HDAC9: variants seen among roughly 807,000 people sequenced by gnomAD.
HDAC9 encodes histone deacetylase 9.
Under a neutral mutation model 139.4 loss-of-function variants are expected in HDAC9, and 41 were observed. That is an observed-to-expected ratio of 0.29 (90% CI 0.23 to 0.38). The LOEUF is 0.38. HDAC9 is among the 10% of genes least tolerant of loss of function. The pLI, the probability that HDAC9 is intolerant of heterozygous loss-of-function variation, is 1.00. For missense variants in HDAC9, 1,147 were observed against 1,297.0 expected, an observed-to-expected ratio of 0.88 and a Z score of 1.78; for synonymous variants, 517 against 476.2, an observed-to-expected ratio of 1.09 and a Z score of -1.12.
intron 12 of HDAC9, among the ~76,000 whole-genome samples, chr7:18,709,790 G>T (rs895572434): frequency 2.6e-5 from 4 of 151,950 alleles, no homozygotes; most frequent in Non-Finnish European, 4.4e-5. Flanking sequence ...TTCCACCTTG[G>T]CCTCCCAAAG....
At chr7:18,205,977 G>A (rs957169790) in intron 2 of HDAC9, among the ~76,000 whole-genome samples, 4 of 152,068 alleles carry the variant, frequency 2.6e-5, no homozygotes, top group Non-Finnish European at 5.9e-5. Flanking sequence ...AAGAAATACT[G>A]CACACAGATA....
intron 1 of HDAC9, among the ~76,000 whole-genome samples, chr7:18,386,673 A>G (rs1785961045): frequency 6.6e-6 from 1 of 152,210 alleles, no homozygotes. Context: ...TAGTTAGAGT[A>G]ATCAAAGCAA....
intron 6 of HDAC9, among the ~76,000 whole-genome samples, chr7:18,605,694 T>C (rs1835271420): frequency 6.6e-6 from 1 of 151,806 alleles, no homozygotes; most frequent in South Asian, 2.1e-4. Context: ...GTTTGTTTGT[T>C]TTTTGAGACA....
chr7:18,777,228 G>A (rs1790846765), intron 16 of HDAC9, among the ~76,000 whole-genome samples: 1 of 151,932 alleles, frequency 6.6e-6, no homozygotes, highest in Admixed American at 6.6e-5. Flanking sequence ...ATGTTATGTG[G>A]ACATACTTTT....
At chr7:18,842,177 T>C (rs1224964258) in intron 21 of HDAC9, among the ~76,000 whole-genome samples, 1 of 152,096 alleles carries the variant, frequency 6.6e-6, no homozygotes, top group African/African-American at 2.4e-5. Flanking sequence ...TTCTCAATTG[T>C]TAGTGACAAG....
At chr7:18,166,827 C>A (rs1407471220) in intron 2 of HDAC9, among the ~76,000 whole-genome samples, 1 of 152,168 alleles carries the variant, frequency 6.6e-6, no homozygotes, top group Non-Finnish European at 1.5e-5. Context: ...GACAAAGCTA[C>A]AAACAAATAT....
At chr7:18,299,485 C>G (rs1206195111) in intron 1 of HDAC9, among the ~76,000 whole-genome samples, 1 of 152,038 alleles carries the variant, frequency 6.6e-6, no homozygotes. Context: ...GGCGAGGGTA[C>G]TTTTCCAGCA....
intron 13 of HDAC9, among the ~76,000 whole-genome samples, chr7:18,741,194 G>A (rs959576042): frequency 6.6e-6 from 1 of 152,188 alleles, no homozygotes; most frequent in African/African-American, 2.4e-5. Flanking sequence ...AGATGAAAGA[G>A]CCTTTCACTG....
chr7:18,632,029 A>C (rs1157930280), intron 7 of HDAC9, among the ~76,000 whole-genome samples: 1 of 151,860 alleles, frequency 6.6e-6, no homozygotes, highest in African/African-American at 2.4e-5. Context: ...GTAAGACAGA[A>C]TGTTTAAGAA....
chr7:18,227,512 A>C (rs1793139416), intron 2 of HDAC9, among the ~76,000 whole-genome samples: 1 of 152,132 alleles, frequency 6.6e-6, no homozygotes, highest in Non-Finnish European at 1.5e-5. Context: ...AGTTGCTGCC[A>C]ATATACAACT....
intron 2 of HDAC9, among the ~76,000 whole-genome samples, chr7:18,521,960 A>C (rs542918077): frequency 2.0e-5 from 3 of 152,148 alleles, no homozygotes; most frequent in Non-Finnish European, 2.9e-5. Context: ...TGAAAGGAAA[A>C]ATCAGTTATT....
At chr7:18,699,079 G>A (rs1300708486) in intron 12 of HDAC9, among the ~76,000 whole-genome samples, 1 of 152,142 alleles carries the variant, frequency 6.6e-6, no homozygotes, top group Non-Finnish European at 1.5e-5. Context: ...ACACAGCAGT[G>A]ATTCTGGGGT....
intron 21 of HDAC9, among the ~76,000 whole-genome samples, chr7:18,872,333 C>T (rs531608905): frequency 6.6e-6 from 1 of 152,224 alleles, no homozygotes; most frequent in East Asian, 1.9e-4. Context: ...AAGTGACCTA[C>T]GTAGCAAATG....
At chr7:18,797,499 A>G (rs1429186285) in intron 17 of HDAC9, among the ~76,000 whole-genome samples, 1 of 152,148 alleles carries the variant, frequency 6.6e-6, no homozygotes, top group Admixed American at 6.5e-5. Flanking sequence ...TCATTCCTAT[A>G]TTTTAAAACC....
intron 24 of HDAC9, among the ~76,000 whole-genome samples, chr7:18,969,765 A>G (rs1428397160): frequency 6.6e-6 from 1 of 152,238 alleles, no homozygotes; most frequent in African/African-American, 2.4e-5. Flanking sequence ...GAAGAAAATT[A>G]GTGAAGTTGA....
Position 18,510,171 on chromosome 7 carries a change from T to G in HDAC9, c.22+13847T>G, listed in dbSNP as rs536310333. Among the ~76,000 whole-genome samples, 29 of 152,306 alleles carry G rather than the reference T, an allele frequency of 1.9e-4. No individual in the cohort carries two copies. The South Asian group carries it at 5.8e-3, about 30-fold the overall frequency. On this transcript the variant is annotated intron_variant, in intron 2 of 25. Coordinates refer to ENST00000686413, the MANE Select transcript of HDAC9 (RefSeq NM_178425.4). ...TTATAGAATGTAAGCAGGAATGACC[T>G]CCAATGCTTTAACAATGTGTGTATG...
intron 1 of HDAC9, among the ~76,000 whole-genome samples, chr7:18,138,360 G>C (rs1332352470): frequency 1.3e-5 from 2 of 151,982 alleles, no homozygotes; most frequent in East Asian, 1.9e-4. Flanking sequence ...GACATCTTCT[G>C]CTGGTGCCAA....
chr7:18,640,357 T>TA (rs56655676), intron 8 of HDAC9, among the ~76,000 whole-genome samples: 1,362 of 66,064 alleles, frequency 0.021, 33 homozygotes, highest in Non-Finnish European at 0.023. Flanking sequence ...GATCCTGTCT[T>TA]AAAAAAAAAA....
At chr7:18,981,119 C>T (rs760272463) in intron 25 of HDAC9, among the ~76,000 whole-genome samples, 6 of 151,996 alleles carry the variant, frequency 3.9e-5, no homozygotes, top group African/African-American at 1.4e-4. Flanking sequence ...CCACCGTGCC[C>T]GGCCTGTTTC....
Sources: allele counts gnomAD v4.1 joint callset (sites outside exome capture counted in the v4.1 genomes callset), GRCh38; gene constraint gnomAD v4.1.1; transcripts MANE v1.5; gene names NCBI Gene and HGNC (gene_info 2026-07-23, HGNC 2026-07-21).